MGAT4C: variants seen among roughly 807,000 people sequenced by gnomAD.
MGAT4C encodes MGAT4 family member C.
In MGAT4C, 19 loss-of-function variants were observed where a neutral mutation model predicts 40.1. That is an observed-to-expected ratio of 0.47 (90% CI 0.33 to 0.70). MGAT4C has a LOEUF of 0.70. MGAT4C is among the 30% of genes least tolerant of loss of function. MGAT4C has a pLI of 0.02. For synonymous variants in MGAT4C, 181 were observed against 187.1 expected, an observed-to-expected ratio of 0.97 and a Z score of 0.27; for missense variants, 491 against 563.2, an observed-to-expected ratio of 0.87 and a Z score of 1.30.
intron 4 of MGAT4C, among the ~76,000 whole-genome samples, chr12:86,293,081 G>T: frequency 6.6e-6 from 1 of 152,084 alleles, no homozygotes; most frequent in East Asian, 1.9e-4. Flanking sequence ...TGGTGAATAA[G>T]ATTTCTATAA....
At chr12:86,132,938 A>G (rs1339363158) in intron 1 of MGAT4C, among the ~76,000 whole-genome samples, 1 of 152,062 alleles carries the variant, frequency 6.6e-6, no homozygotes, top group African/African-American at 2.4e-5. Flanking sequence ...TTTTTTCATC[A>G]TATTGATGGA....
At chr12:86,733,912 C>A (rs771183568) in intron 1 of MGAT4C, among the ~76,000 whole-genome samples, 26 of 151,934 alleles carry the variant, frequency 1.7e-4, no homozygotes, top group Non-Finnish European at 2.2e-4. Context: ...TAAAATAAAG[C>A]GAATTACATA....
chr12:86,240,764 C>A lies in MGAT4C; in HGVS notation c.-57+15475G>T, dbSNP rs117753359. Among the ~76,000 whole-genome samples the A allele has an allele frequency of 1.0e-2, 1,516 of 152,030 alleles. 16 individuals carry two copies. Among genetic ancestry groups the A allele is most frequent in the Admixed American group, 0.02 (310 of 15,256 alleles). ...GAATAACTCTTTCATCTTATATTAC[C>A]ACATTAAAATTATCAACATATTTAA... On this transcript the variant is annotated intron_variant, in intron 1 of 4. Transcript: ENST00000611864.
At chr12:86,632,399 T>A (rs1963079771) in intron 2 of MGAT4C, among the ~76,000 whole-genome samples, 2 of 152,154 alleles carry the variant, frequency 1.3e-5, no homozygotes, top group African/African-American at 4.8e-5. Flanking sequence ...AGCCATCCCA[T>A]TACTGGGTAT....
chr12:86,452,209 T>C (rs1957434581), intron 2 of MGAT4C, among the ~76,000 whole-genome samples: 2 of 151,488 alleles, frequency 1.3e-5, no homozygotes, highest in South Asian at 4.2e-4. Context: ...TTTTTTTTTA[T>C]ATACTTTTTT....
chr12:86,599,910 G>A (rs557043849), intron 2 of MGAT4C, among the ~76,000 whole-genome samples: 32 of 152,050 alleles, frequency 2.1e-4, no homozygotes, highest in Non-Finnish European at 3.5e-4. Context: ...GAAGTACACA[G>A]TGGTTTTTTT....
intron 3 of MGAT4C, among the ~76,000 whole-genome samples, chr12:86,383,671 T>C (rs1159173402): frequency 1.3e-5 from 2 of 152,008 alleles, no homozygotes; most frequent in Non-Finnish European, 2.9e-5. Context: ...AACAACTGTA[T>C]TTACCCAATG....
In MGAT4C at chr12:85,957,619, C is replaced by T. The variant is rs1004590415; in HGVS notation, c.*21670G>A. The T allele has an allele frequency of 7.5e-6, 1 of 134,000 alleles. No individual in the cohort carries two copies. Among genetic ancestry groups the T allele is most frequent in the African/African-American group, 2.7e-5 (1 of 36,656 alleles). The allele number at this position is 134,000 out of a possible 1,614,324, so 8.3% of individuals were successfully genotyped here. ...GATAGCTCTGTTATGTCAAATAAAA[C>T]CACAGATTTTCTTTTACTGTAGAGT... On this transcript the variant is annotated 3_prime_UTR_variant, in exon 5 of 5. Transcript: ENST00000611864.
intron 2 of MGAT4C, among the ~76,000 whole-genome samples, chr12:86,721,955 A>T (rs910677812): frequency 6.6e-6 from 1 of 152,150 alleles, no homozygotes; most frequent in Non-Finnish European, 1.5e-5. Flanking sequence ...ATGTCATTCA[A>T]TGATAGAACT....
rs187039666 is a variant in MGAT4C, at chr12:86,552,747, T to C, written c.-228-117482A>G. Among the ~76,000 whole-genome samples the C allele has an allele frequency of 5.7e-3, 875 of 152,210 alleles. 22 individuals carry two copies. The highest frequency in any genetic ancestry group is 0.052 in the Admixed American group (789 of 15,288). ...AAAAATAAAAACAGTTATAAATTAA[T>C]GTCTGTGAAATAAGCTATTAATTTT... On this transcript the variant is annotated intron_variant, in intron 2 of 7. Transcript: ENST00000548651.
intron 2 of MGAT4C, among the ~76,000 whole-genome samples, chr12:86,041,373 C>T (rs1438993049): frequency 2.0e-5 from 3 of 151,912 alleles, no homozygotes; most frequent in African/African-American, 4.8e-5. Flanking sequence ...AGTTGAGATA[C>T]TTTGCTGTTG....
chr12:86,667,115 T>C (rs949942994), intron 2 of MGAT4C, among the ~76,000 whole-genome samples: 10 of 152,182 alleles, frequency 6.6e-5, no homozygotes, highest in South Asian at 2.1e-4. Flanking sequence ...CATTTACATA[T>C]AGTCTATAAA....
chr12:86,703,299 G>C (rs1173506171), intron 2 of MGAT4C, among the ~76,000 whole-genome samples: 1 of 152,150 alleles, frequency 6.6e-6, no homozygotes, highest in Non-Finnish European at 1.5e-5. Context: ...GGAGAGGATT[G>C]GTTCCAATTT....
chr12:86,025,452 AAAATACTTAAATTT>A (rs1890160443), intron 2 of MGAT4C, among the ~76,000 whole-genome samples: 1 of 151,776 alleles, frequency 6.6e-6, no homozygotes, highest in South Asian at 2.1e-4. Context: ...GTCTCATACT[AAAATACTTAAATTT>A]CTATATTCAA....
At chr12:86,424,721 C>A (rs1460453660) in intron 3 of MGAT4C, among the ~76,000 whole-genome samples, 5 of 152,068 alleles carry the variant, frequency 3.3e-5, no homozygotes, top group Non-Finnish European at 7.4e-5. Context: ...TCAATTAATT[C>A]TTATAACAAT....
intron 2 of MGAT4C, among the ~76,000 whole-genome samples, chr12:86,492,884 T>TC (rs769656239): frequency 6.6e-6 from 1 of 151,826 alleles, no homozygotes; most frequent in Non-Finnish European, 1.5e-5. Flanking sequence ...GAGAAAATTT[T>TC]GCAACCTACT....
At chr12:86,588,246 T>G (rs560462825) in intron 2 of MGAT4C, among the ~76,000 whole-genome samples, 2 of 152,002 alleles carry the variant, frequency 1.3e-5, no homozygotes, top group South Asian at 4.1e-4. Context: ...AGGCAGGATT[T>G]GCAATCCTAG....
intron 1 of MGAT4C, among the ~76,000 whole-genome samples, chr12:86,774,454 T>C (rs1288119791): frequency 1.4e-5 from 2 of 147,704 alleles, no homozygotes; most frequent in African/African-American, 5.0e-5. Context: ...GCCATGCACC[T>C]AAACATAGAT....
intron 1 of MGAT4C, among the ~76,000 whole-genome samples, chr12:86,807,776 C>A (rs897768871): frequency 3.3e-5 from 5 of 152,082 alleles, no homozygotes; most frequent in African/African-American, 1.2e-4. Flanking sequence ...TCTCTGCAAC[C>A]TTCCCAGCAT....
Sources: allele counts gnomAD v4.1 joint callset (sites outside exome capture counted in the v4.1 genomes callset), GRCh38; gene constraint gnomAD v4.1.1; transcripts MANE v1.5; gene names NCBI Gene and HGNC (gene_info 2026-07-23, HGNC 2026-07-21).